The following SLC24A2 variants were observed in gnomAD, a reference collection of about 807,000 sequenced individuals.
SLC24A2 encodes sodium/potassium/calcium exchanger 2.
Under a neutral mutation model 62.0 loss-of-function variants are expected in SLC24A2, and 36 were observed. That is an observed-to-expected ratio of 0.58 (90% CI 0.44 to 0.77). The LOEUF is 0.77. Ranked by LOEUF, SLC24A2 falls within the 30% of genes least tolerant of loss-of-function variation. The pLI, the probability that SLC24A2 is intolerant of heterozygous loss-of-function variation, is 0.00. For missense variants in SLC24A2, 846 were observed against 817.9 expected (o/e 1.03, Z -0.42); for synonymous variants, 358 against 294.0 (o/e 1.22, Z -2.23).
chr9:19,613,253 A>G (rs1275073885), intron 4 of SLC24A2, among the ~76,000 whole-genome samples: 2 of 152,216 alleles, frequency 1.3e-5, no homozygotes, highest in African/African-American at 2.4e-5. Flanking sequence ...ATCACCAGAA[A>G]AGACTGTGGT....
chr9:19,664,844 A>C (rs1279448175), intron 2 of SLC24A2, among the ~76,000 whole-genome samples: 2 of 152,184 alleles, frequency 1.3e-5, no homozygotes, highest in Admixed American at 6.5e-5. Flanking sequence ...AGGAAGAGGC[A>C]AGGAAGGGTC....
chr9:19,762,289 C>T (rs1822360170), intron 2 of SLC24A2, among the ~76,000 whole-genome samples: 1 of 152,198 alleles, frequency 6.6e-6, no homozygotes, highest in Admixed American at 6.5e-5. Context: ...GTTTCTTTTG[C>T]TCTGCAGAAG....
At chr9:19,788,673 G>C in intron 1 of SLC24A2, 2 of 985,102 alleles carry the variant, frequency 2.0e-6, no homozygotes, top group Non-Finnish European at 2.4e-6. Flanking sequence ...CCCATCCCAA[G>C]CCAAAAGCAA....
chr9:20,104,923 AC>A, the SLC24A2 span, among the ~76,000 whole-genome samples: 1 of 152,228 alleles, frequency 6.6e-6, no homozygotes, highest in Non-Finnish European at 1.5e-5. Flanking sequence ...AAGAGTCAAG[AC>A]CCACCAGTGT....
chr9:20,158,813 A>G, the SLC24A2 span, among the ~76,000 whole-genome samples: 3 of 151,596 alleles, frequency 2.0e-5, no homozygotes, highest in Non-Finnish European at 4.4e-5. Flanking sequence ...GCATATTTAA[A>G]CTATAACTAA....
chr9:20,169,287 A>G, the SLC24A2 span, among the ~76,000 whole-genome samples: 4 of 151,820 alleles, frequency 2.6e-5, no homozygotes, highest in South Asian at 2.1e-4. Flanking sequence ...CAGACAGGAA[A>G]AAGTACTAGA....
the SLC24A2 span, among the ~76,000 whole-genome samples, chr9:20,076,594 C>T: frequency 5.3e-5 from 8 of 152,136 alleles, no homozygotes; most frequent in South Asian, 1.7e-3. Context: ...TGATGTAAGC[C>T]TCCAGAACAC....
the SLC24A2 span, among the ~76,000 whole-genome samples, chr9:19,909,933 T>C: frequency 1.6e-3 from 240 of 152,250 alleles, 3 homozygotes; most frequent in East Asian, 0.045. Context: ...CCTGCAAACA[T>C]GTTCAAATTT....
chr9:20,222,152 T>G, the SLC24A2 span, among the ~76,000 whole-genome samples: 1 of 151,872 alleles, frequency 6.6e-6, no homozygotes, highest in African/African-American at 2.4e-5. Context: ...AAATGTATGG[T>G]TAAATATTTT....
chr9:19,521,271 A>C (rs1019901311), intron 9 of SLC24A2, among the ~76,000 whole-genome samples: 8 of 152,228 alleles, frequency 5.3e-5, no homozygotes, highest in African/African-American at 1.9e-4. Flanking sequence ...TGTTCACATG[A>C]AAATTAAACA....
At chr9:19,758,631 G>C (rs748590805) in intron 2 of SLC24A2, among the ~76,000 whole-genome samples, 5 of 152,142 alleles carry the variant, frequency 3.3e-5, no homozygotes, top group Non-Finnish European at 7.4e-5. Context: ...TCTTTTGAAA[G>C]AACCATAGGA....
the SLC24A2 span, among the ~76,000 whole-genome samples, chr9:19,864,559 A>G: frequency 6.6e-6 from 1 of 152,112 alleles, no homozygotes; most frequent in Non-Finnish European, 1.5e-5. Context: ...TTAATGTGAT[A>G]CATGATATCA....
At position 19,508,183 on chromosome 9, in the gene SLC24A2, G is replaced by C. The variant is rs746594798; in HGVS notation, c.*7970C>G. On this transcript the variant is annotated 3_prime_UTR_variant, in exon 11 of 11. Coordinates refer to ENST00000341998, the MANE Select transcript of SLC24A2 (RefSeq NM_020344.4). The stretch of plus-strand genomic sequence containing the variant: ...TTGACTTGAGCAGAAGAAATATCAA[G>C]GCTAGATGCAGGGTATATATGTGTA... 4 of 152,154 alleles carry C rather than the reference G, an allele frequency of 2.6e-5. No homozygotes were observed. The highest frequency in any genetic ancestry group is 5.9e-5 in the Non-Finnish European group (4 of 68,036). The allele number at this position is 152,154 out of a possible 1,614,324, so 9.4% of individuals were successfully genotyped here. A position where few individuals can be genotyped will look rare whatever the true frequency, so the allele number is the denominator to read the frequency against.
At chr9:20,095,089 G>C in the SLC24A2 span, among the ~76,000 whole-genome samples, 1 of 152,060 alleles carries the variant, frequency 6.6e-6, no homozygotes, top group East Asian at 1.9e-4. Context: ...ATGACATCCT[G>C]TTTTCTAAGC....
chr9:19,548,366 C>T (rs148117422), intron 8 of SLC24A2, among the ~76,000 whole-genome samples: 26 of 152,236 alleles, frequency 1.7e-4, no homozygotes, highest in Non-Finnish European at 3.1e-4. Flanking sequence ...CTCAGCCCTA[C>T]CTTCTAGGAA....
chr9:19,715,341 C>T (rs996960581), intron 2 of SLC24A2, among the ~76,000 whole-genome samples: 1 of 152,112 alleles, frequency 6.6e-6, no homozygotes, highest in African/African-American at 2.4e-5. Flanking sequence ...AAGATATTAA[C>T]CCTGCCCCTT....
the SLC24A2 span, among the ~76,000 whole-genome samples, chr9:19,880,283 A>T: frequency 2.1e-3 from 316 of 152,276 alleles, no homozygotes; most frequent in African/African-American, 7.1e-3. Context: ...CAGGGAAGTA[A>T]CTCGGGACTG....
chr9:19,920,425 G>C, the SLC24A2 span, among the ~76,000 whole-genome samples: 1 of 152,174 alleles, frequency 6.6e-6, no homozygotes, highest in African/African-American at 2.4e-5. Context: ...GAGTCCCCCA[G>C]ATGTAGACCC....
At chr9:20,155,130 GA>G in the SLC24A2 span, among the ~76,000 whole-genome samples, 47 of 112,522 alleles carry the variant, frequency 4.2e-4, no homozygotes, top group East Asian at 1.1e-3. Context: ...TGCCCAACTG[GA>G]AAAAAAAAAA....
Sources: allele counts gnomAD v4.1 joint callset (sites outside exome capture counted in the v4.1 genomes callset), GRCh38; gene constraint gnomAD v4.1.1; transcripts MANE v1.5; gene names NCBI Gene and HGNC (gene_info 2026-07-23, HGNC 2026-07-21).